Variants in TRAPPC10 observed in about 807,000 individuals in gnomAD.
TRAPPC10 encodes the protein trafficking protein particle complex subunit 10, also known as TRAPP 130 kDa subunit.
Under a neutral mutation model 125.5 loss-of-function variants are expected in TRAPPC10, and 23 were observed. That is an observed-to-expected ratio of 0.18 (90% CI 0.13 to 0.26). TRAPPC10 has a LOEUF of 0.26. Among genes scored for constraint, TRAPPC10 ranks in the 10% least tolerant of loss-of-function variants. The pLI, the probability that TRAPPC10 is intolerant of heterozygous loss-of-function variation, is 1.00. For missense variants in TRAPPC10, 1,123 were observed against 1,308.4 expected (o/e 0.86, Z 2.19); for synonymous variants, 509 against 518.0 (o/e 0.98, Z 0.24).
chr21:44,025,960 A>C lies in TRAPPC10; in HGVS notation c.68-6131A>C, dbSNP rs1465599376. 2.0e-5 allele frequency among the ~76,000 whole-genome samples: 3 copies of C among 151,794 alleles called. No homozygotes were observed. In the South Asian group the frequency reaches 6.2e-4, roughly 32 times the overall value. On this transcript the variant is annotated intron_variant, in intron 1 of 22. Transcript: ENST00000291574. Reference sequence around the variant, plus strand: ...GGTATAACGTTAAGCCGGCGATGACATGGCAGGGGGTGTACTGAGTACTTC... The same window carrying C: ...GGTATAACGTTAAGCCGGCGATGACCTGGCAGGGGGTGTACTGAGTACTTC...
intron 19 of TRAPPC10, among the ~76,000 whole-genome samples, chr21:44,092,856 G>A (rs1045286978): frequency 4.6e-5 from 7 of 152,196 alleles, no homozygotes; most frequent in East Asian, 3.9e-4. Flanking sequence ...GAATGCAATC[G>A]TGTGATCTTG....
intron 8 of TRAPPC10, among the ~76,000 whole-genome samples, chr21:44,074,759 CTGTGCTGG>C (rs1193311083): frequency 1.3e-5 from 2 of 152,188 alleles, no homozygotes; most frequent in African/African-American, 4.8e-5. Context: ...CCAGGCAGAG[CTGTGCTGG>C]TGTGTGCAGC....
intron 1 of TRAPPC10, among the ~76,000 whole-genome samples, chr21:44,025,831 TG>T (rs761965557): frequency 0.035 from 997 of 28,862 alleles, 8 homozygotes; most frequent in Admixed American, 0.056. Context: ...GGTGTGTGTG[TG>T]TGTGTGTGTG....
chr21:44,083,391 G>T, intron 14 of TRAPPC10, 89 bp downstream of exon 14: 2 of 1,426,734 alleles, frequency 1.4e-6, no homozygotes, highest in South Asian at 2.6e-5. Context: ...GCTGTGAATT[G>T]AGTAGAGTCC....
At position 44,094,145 on chromosome 21, in the gene TRAPPC10, T is replaced by C. The variant is rs766966632; in HGVS notation, c.3080T>C (p.Phe1027Ser). The C allele has an allele frequency of 1.2e-6, 2 of 1,614,230 alleles. No homozygotes were observed. The highest frequency in any genetic ancestry group is 3.3e-5 in the Admixed American group (2 of 60,026). Residue 1027 changes from phenylalanine (F) to serine (S), a missense_variant, in exon 20 of 23, where the codon TTC becomes TCC. This residue lies in a region of TRAPPC10 where 840 missense variants were observed against 902.0 expected (regional missense o/e 0.93). Transcript: ENST00000291574. ...CCTCCCCCTTCTCTGCATTGCCGGTTCTCTGTTGGATTTTCCCCAGCTTCT... is the reference window on the plus strand; with the variant it reads ...CCTCCCCCTTCTCTGCATTGCCGGTCCTCTGTTGGATTTTCCCCAGCTTCT... Reference protein sequence around the residue: ...EEPPPSLHCRFSVGFSPASEE... With the variant: ...EEPPPSLHCRSSVGFSPASEE...
At chr21:44,055,953 C>T in intron 5 of TRAPPC10, 60 bp downstream of exon 5, 2 of 1,380,316 alleles carry the variant, frequency 1.4e-6, no homozygotes, top group Non-Finnish European at 2.0e-6. Context: ...TTGTTCCCTC[C>T]CTCTCTCCTC....
At chr21:44,068,647 C>T (rs1045979503) in intron 7 of TRAPPC10, among the ~76,000 whole-genome samples, 6 of 152,112 alleles carry the variant, frequency 3.9e-5, no homozygotes, top group Admixed American at 2.6e-4. Flanking sequence ...GTTGCCCAGG[C>T]TGGAGTACAG....
chr21:44,066,444 G>A (rs1195306547), intron 7 of TRAPPC10, among the ~76,000 whole-genome samples: 1 of 152,214 alleles, frequency 6.6e-6, no homozygotes, highest in African/African-American at 2.4e-5. Context: ...TGGCTGCTGG[G>A]GTGAGCGGTA....
chr21:44,080,737 C>T (rs892948746), intron 13 of TRAPPC10, among the ~76,000 whole-genome samples: 1 of 152,034 alleles, frequency 6.6e-6, no homozygotes, highest in Non-Finnish European at 1.5e-5. Context: ...CAGTGTTTTG[C>T]TCTGTTGGCC....
intron 4 of TRAPPC10, among the ~76,000 whole-genome samples, chr21:44,055,332 AT>A (rs1569173334): frequency 6.6e-6 from 1 of 152,042 alleles, no homozygotes; most frequent in Non-Finnish European, 1.5e-5. Context: ...GCTTATGCCT[AT>A]AATCCCAGCA....
At chr21:44,074,979 C>G (rs565693621) in intron 8 of TRAPPC10, 60 bp from the exon 9 acceptor site, 1 of 1,224,276 alleles carries the variant, frequency 8.2e-7, no homozygotes, top group Non-Finnish European at 1.2e-6. Context: ...TATTTAAATT[C>G]TTGAATTCCC....
intron 4 of TRAPPC10, among the ~76,000 whole-genome samples, chr21:44,054,080 C>T (rs964878128): frequency 1.3e-5 from 2 of 152,162 alleles, no homozygotes; most frequent in Non-Finnish European, 2.9e-5. Flanking sequence ...CGCGTCTGGT[C>T]GGGAATAAAT....
At chr21:44,085,134 G>T (rs2038041321) in intron 15 of TRAPPC10, among the ~76,000 whole-genome samples, 1 of 152,212 alleles carries the variant, frequency 6.6e-6, no homozygotes, top group East Asian at 1.9e-4. Flanking sequence ...CTGCTGAAAG[G>T]CCCGACCCTC....
At chr21:44,064,420 C>T (rs1430377980) in intron 7 of TRAPPC10, among the ~76,000 whole-genome samples, 1 of 152,000 alleles carries the variant, frequency 6.6e-6, no homozygotes, top group South Asian at 2.1e-4. Context: ...TCCATAGAAC[C>T]ACGGACATTG....
At position 44,086,930 on chromosome 21, in the gene TRAPPC10, A is replaced by G. The variant is rs2038175774; in HGVS notation, c.2509A>G (p.Ser837Gly). 1.2e-6 allele frequency: 2 copies of G among 1,614,030 alleles called. No individual in the cohort carries two copies. Among genetic ancestry groups the G allele is most frequent in the East Asian group, 2.2e-5 (1 of 44,890 alleles). ...CATGCTCATCCTGTGCCAGGCGGAGAGCAGGGCTGTGGTCTACTCCAACAC... is the reference window on the plus strand; with the variant it reads ...CATGCTCATCCTGTGCCAGGCGGAGGGCAGGGCTGTGGTCTACTCCAACAC... Reference protein sequence around the residue: ...EAMLILCQAESRAVVYSNTRE... With the variant: ...EAMLILCQAEGRAVVYSNTRE... Residue 837 changes from serine to glycine, a missense_variant, in exon 16 of 23, where the codon AGC (serine) becomes GGC (glycine). Around this residue, in one of 4 missense-constraint regions of TRAPPC10, gnomAD observed 840 missense variants for 902.0 expected, o/e 0.93. Coordinates refer to ENST00000291574, the MANE Select transcript of TRAPPC10 (RefSeq NM_003274.5).
intron 1 of TRAPPC10, among the ~76,000 whole-genome samples, chr21:44,030,267 G>A (rs576497207): frequency 6.6e-6 from 1 of 150,804 alleles, no homozygotes; most frequent in Non-Finnish European, 1.5e-5. Flanking sequence ...GTGTGTGTTT[G>A]TAGTTTTATA....
chr21:44,066,781 T>G (rs1248194416), intron 7 of TRAPPC10, among the ~76,000 whole-genome samples: 1 of 152,224 alleles, frequency 6.6e-6, no homozygotes, highest in Non-Finnish European at 1.5e-5. Flanking sequence ...TCTTTGTGTG[T>G]AAATTCATAC....
chr21:44,038,810 C>T (rs2034187451), intron 3 of TRAPPC10, among the ~76,000 whole-genome samples: 1 of 152,106 alleles, frequency 6.6e-6, no homozygotes, highest in Non-Finnish European at 1.5e-5. Flanking sequence ...ACCTGGTTTT[C>T]CTCAGATTTC....
chr21:44,090,910 C>T (rs1157052353), intron 18 of TRAPPC10, among the ~76,000 whole-genome samples: 2 of 152,102 alleles, frequency 1.3e-5, no homozygotes, highest in Non-Finnish European at 2.9e-5. Flanking sequence ...AATTATTTTT[C>T]AGCCGGGCGT....
Sources: allele counts gnomAD v4.1 joint callset (sites outside exome capture counted in the v4.1 genomes callset), GRCh38; gene constraint gnomAD v4.1.1; regional missense constraint gnomAD v4.1.1; transcripts MANE v1.5; gene names NCBI Gene and HGNC (gene_info 2026-07-23, HGNC 2026-07-21).